The following CDH13 variants were observed in gnomAD, a reference collection of about 807,000 sequenced individuals.
The protein encoded by CDH13 is cadherin 13.
CDH13 carries 24 observed loss-of-function variants against 63.8 expected under a neutral mutation model. The ratio of observed to expected loss-of-function variants is 0.38; its 90% confidence interval spans 0.27 to 0.53. The LOEUF is 0.53. Among genes scored for constraint, CDH13 ranks in the 20% least tolerant of loss-of-function variants. The pLI is 0.85. For missense variants in CDH13, 1,049 were observed against 903.1 expected, an observed-to-expected ratio of 1.16 and a Z score of -2.07; for synonymous variants, 503 against 355.3, an observed-to-expected ratio of 1.42 and a Z score of -4.67.
chr16:82,896,276 A>ATTTTTTGTTTTTTTTTTT (rs2041254016), intron 2 of CDH13, among the ~76,000 whole-genome samples: 1 of 87,816 alleles, frequency 1.1e-5, no homozygotes, highest in African/African-American at 4.3e-5. Context: ...TAGGATTAGG[A>ATTTTTTGTTTTTTTTTTT]TTTTTTTTTT....
chr16:82,842,149 T>TATATATACATAC (rs2039058790), intron 1 of CDH13, among the ~76,000 whole-genome samples: 7 of 37,616 alleles, frequency 1.9e-4, no homozygotes, highest in African/African-American at 3.8e-4. Flanking sequence ...CACATATATA[T>TATATATACATAC]ATATATATAT....
At chr16:83,455,784 G>A (rs548413854) in intron 6 of CDH13, among the ~76,000 whole-genome samples, 2 of 152,318 alleles carry the variant, frequency 1.3e-5, no homozygotes, top group East Asian at 1.9e-4. Flanking sequence ...CAGGGCCAGG[G>A]CAGCATCTCT....
At chr16:83,345,130 T>C in intron 6 of CDH13, 124 bp downstream of exon 6, 1 of 1,097,628 alleles carries the variant, frequency 9.1e-7, no homozygotes. Context: ...GTCGACTTAA[T>C]ACTTCCCTGC....
rs1195476406 is a variant in CDH13, at chr16:83,184,127, T to TAC, written c.484-33206_484-33205dup. On this transcript the variant is annotated intron_variant, in intron 4 of 13. Transcript: ENST00000567109. ...ACACACACACACACACACACACACATACACACACACACAACTAGTAAAAAA... is the reference window on the plus strand; with the variant it reads ...ACACACACACACACACACACACACATACACACACACACACAACTAGTAAAAAA... 3.8e-5 allele frequency among the ~76,000 whole-genome samples: 2 copies of TAC among 53,022 alleles called. 1 individual carries two copies. The highest frequency in any genetic ancestry group is 1.1e-3 in the South Asian group (2 of 1,834). 34.8% of individuals were successfully genotyped at this position (53,022 alleles called of 152,430 possible). A position where few individuals can be genotyped will look rare whatever the true frequency, so the allele number is the denominator to read the frequency against.
intron 5 of CDH13, among the ~76,000 whole-genome samples, chr16:83,240,821 C>A (rs984697040): frequency 6.7e-6 from 1 of 149,346 alleles, no homozygotes; most frequent in Non-Finnish European, 1.5e-5. Context: ...CTCAGTCCCC[C>A]AAGAAGCTGG....
At chr16:83,277,234 C>T (rs1049263447) in intron 5 of CDH13, among the ~76,000 whole-genome samples, 2 of 152,160 alleles carry the variant, frequency 1.3e-5, no homozygotes, top group African/African-American at 4.8e-5. Context: ...ATGGTTATGA[C>T]CTTGCATTTG....
intron 6 of CDH13, among the ~76,000 whole-genome samples, chr16:83,370,661 C>T (rs957232603): frequency 6.6e-5 from 10 of 152,102 alleles, no homozygotes; most frequent in African/African-American, 2.4e-4. Flanking sequence ...ACTGTTGATC[C>T]CTTCTTCGTG....
At chr16:83,699,592 C>T (rs187535129) in intron 10 of CDH13, among the ~76,000 whole-genome samples, 11 of 152,268 alleles carry the variant, frequency 7.2e-5, no homozygotes, top group African/African-American at 2.6e-4. Context: ...CATCCCATGT[C>T]GCCCTTCTCC....
chr16:82,821,523 G>C (rs796301341), intron 1 of CDH13, among the ~76,000 whole-genome samples: 51 of 152,276 alleles, frequency 3.3e-4, no homozygotes, highest in African/African-American at 1.2e-3. Flanking sequence ...TAATTGGTTA[G>C]AGCCTTGACC....
At chr16:82,801,052 A>G (rs771602605) in intron 1 of CDH13, among the ~76,000 whole-genome samples, 4 of 152,200 alleles carry the variant, frequency 2.6e-5, no homozygotes, top group Non-Finnish European at 5.9e-5. Context: ...ACCAGTGTTT[A>G]CAAATTTTTC....
intron 2 of CDH13, among the ~76,000 whole-genome samples, chr16:82,998,425 T>G (rs978750365): frequency 6.6e-6 from 1 of 152,212 alleles, no homozygotes; most frequent in Non-Finnish European, 1.5e-5. Flanking sequence ...GTCCTGTTTT[T>G]TTATAGTGAC....
Position 82,961,570 on chromosome 16 carries a change from C to CT in CDH13, c.158-70438dup, listed in dbSNP as rs200214186. Among the ~76,000 whole-genome samples the CT allele has an allele frequency of 6.0e-3, 562 of 93,382 alleles. 8 individuals are homozygous for CT. The highest frequency in any genetic ancestry group is 0.02 in the African/African-American group (514 of 25,610). The allele number at this position is 93,382 out of a possible 152,430, so 61.3% of individuals were successfully genotyped here. On this transcript the variant is annotated intron_variant, in intron 2 of 13. Coordinates refer to ENST00000567109, the MANE Select transcript of CDH13 (RefSeq NM_001257.5). The stretch of plus-strand genomic sequence containing the variant: ...TTTGTCCATAAGAATAAGCAGGGGA[C>CT]TTAAAAAAAAAAAAAAAAAAAAAAA...
At chr16:83,209,648 G>A (rs2039283047) in intron 4 of CDH13, among the ~76,000 whole-genome samples, 1 of 152,124 alleles carries the variant, frequency 6.6e-6, no homozygotes, top group Non-Finnish European at 1.5e-5. Flanking sequence ...TTAATCAAGT[G>A]TCTTCTATGT....
intron 6 of CDH13, among the ~76,000 whole-genome samples, chr16:83,480,672 A>G (rs1177547496): frequency 6.6e-6 from 1 of 152,192 alleles, no homozygotes; most frequent in Non-Finnish European, 1.5e-5. Context: ...CTTGGCCTGC[A>G]GGGTGACCAC....
At chr16:82,825,859 T>TTG (rs1555525019) in intron 1 of CDH13, 8 of 151,680 alleles carry the variant, frequency 5.3e-5, no homozygotes, top group African/African-American at 1.9e-4. Context: ...AACAATTTTT[T>TTG]TTTGTTTGTT....
intron 6 of CDH13, among the ~76,000 whole-genome samples, chr16:83,347,073 C>A (rs894132266): frequency 6.6e-6 from 1 of 152,128 alleles, no homozygotes; most frequent in Non-Finnish European, 1.5e-5. Context: ...GACTTTCAAA[C>A]AAAAAGCCAC....
intron 3 of CDH13, among the ~76,000 whole-genome samples, chr16:83,052,642 T>C (rs1353840200): frequency 6.6e-6 from 1 of 151,754 alleles, no homozygotes; most frequent in African/African-American, 2.4e-5. Flanking sequence ...TAGCCAGGCA[T>C]GGTGGTGCGC....
At chr16:83,268,494 C>G (rs1246723877) in intron 5 of CDH13, among the ~76,000 whole-genome samples, 1 of 152,168 alleles carries the variant, frequency 6.6e-6, no homozygotes, top group Non-Finnish European at 1.5e-5. Flanking sequence ...TCTTTCCAAT[C>G]TGTGAATTAT....
chr16:83,503,956 G>C (rs1272986771), intron 7 of CDH13, among the ~76,000 whole-genome samples: 5 of 151,768 alleles, frequency 3.3e-5, no homozygotes, highest in Non-Finnish European at 5.9e-5. Context: ...TTTAGTTGGG[G>C]GGTGGGGGGC....
Sources: gnomAD v4.1 joint callset for allele counts (sites outside exome capture counted in the v4.1 genomes callset) on GRCh38, gnomAD v4.1.1 for gene constraint, MANE v1.5 for transcripts, NCBI Gene and HGNC (gene_info 2026-07-23, HGNC 2026-07-21) for gene names.